The following SRCIN1 variants were observed in gnomAD, a reference collection of about 807,000 sequenced individuals.
SRCIN1 encodes the protein P130Cas-associated protein.
SRCIN1 carries 50 observed loss-of-function variants against 116.2 expected under a neutral mutation model. That is an observed-to-expected ratio of 0.43 (90% CI 0.34 to 0.54). SRCIN1 has a LOEUF of 0.54. SRCIN1 is among the 20% of genes least tolerant of loss of function. The pLI is 0.02. For missense variants in SRCIN1, 1,446 were observed against 1,672.0 expected, an observed-to-expected ratio of 0.86 and a Z score of 2.36; for synonymous variants, 736 against 750.0, an observed-to-expected ratio of 0.98 and a Z score of 0.30.
intron 18 of SRCIN1, among the ~76,000 whole-genome samples, chr17:38,535,054 C>G (rs1179232096): frequency 6.6e-6 from 1 of 152,130 alleles, no homozygotes; most frequent in Non-Finnish European, 1.5e-5. Flanking sequence ...ATGGCCTGAG[C>G]TCAGGAGGTG....
In SRCIN1 at chr17:38,552,344, G is replaced by A. The variant is rs1017207995; in HGVS notation, c.2480+103C>T. 1.4e-5 allele frequency: 21 copies of A among 1,470,808 alleles called. No individual in the cohort carries two copies. Among genetic ancestry groups the A allele is most frequent in the Middle Eastern group, 4.9e-4 (2 of 4,084 alleles). 91.1% of individuals were successfully genotyped at this position (1,470,808 alleles called of 1,614,324 possible). ...GCTGAGGTGCCAGTCCAGTCGGCAC[G>A]CCAGTGACCTTTGGGGGAGTTGGGG... On this transcript the variant is annotated intron_variant, in intron 13 of 18. Coordinates refer to ENST00000617146, the MANE Select transcript of SRCIN1 (RefSeq NM_025248.3). This position sits in a 1 kb window ranked among gnomAD's most constrained non-coding sequence, Gnocchi z 5.3.
At position 38,563,456 on chromosome 17, in the gene SRCIN1, G is replaced by A; in HGVS notation, c.607C>T (p.Leu203=). 1 of 1,558,970 alleles carries A rather than the reference G, an allele frequency of 6.4e-7. No individual in the cohort carries two copies. Among genetic ancestry groups the A allele is most frequent in the Non-Finnish European group, 8.7e-7 (1 of 1,150,898 alleles). The change falls in exon 5 of 19, where the codon CTG becomes TTG. Residue 203 remains leucine, a synonymous_variant. Coordinates refer to ENST00000617146, the MANE Select transcript of SRCIN1 (RefSeq NM_025248.3). The surrounding 1 kb of genome is among the most constrained non-coding windows in gnomAD (Gnocchi z 5.8). ...GCGATGAGTGCGTGCAGCGTGTCCA[G>A]GCTGCTGACCTCGTGCGTGATGTGC... ...RVHITHEVSS[L]DTLHALIAHM... is the part of the protein sequence containing the mutation.
At position 38,551,877 on chromosome 17, in the gene SRCIN1, C is replaced by A. The variant is rs770221700; in HGVS notation, c.2727+9G>T. ...TCATGGCCCCACCCACAATCCCTGG[C>A]CCCAGCACCTCAACAGACACAGCTT... On this transcript the variant is annotated intron_variant, in intron 14 of 18. Coordinates refer to ENST00000617146, the MANE Select transcript of SRCIN1 (RefSeq NM_025248.3). The A allele has an allele frequency of 2.6e-5, 42 of 1,613,438 alleles. No homozygotes were observed. Among genetic ancestry groups the A allele is most frequent in the Non-Finnish European group, 2.7e-5 (32 of 1,179,906 alleles).
In SRCIN1 at chr17:38,572,343, A is replaced by G. The variant is rs1189605038; in HGVS notation, c.325-4112T>C. 1.7e-5 allele frequency among the ~76,000 whole-genome samples: 1 copy of G among 59,762 alleles called. No individual in the cohort carries two copies. Among genetic ancestry groups the G allele is most frequent in the Non-Finnish European group, 3.1e-5 (1 of 32,012 alleles). 39.2% of individuals were successfully genotyped at this position (59,762 alleles called of 152,430 possible). The stretch of plus-strand genomic sequence containing the variant: ...GGATGACACCCTCATCTCCTTCCCA[A>G]TGCAGAGTGTGTGTGTGGGTGGGTG... On this transcript the variant is annotated intron_variant, in intron 2 of 18. Transcript: ENST00000617146. This position sits in a 1 kb window ranked among gnomAD's most constrained non-coding sequence, Gnocchi z 4.3.
In SRCIN1 at chr17:38,563,702, G is replaced by T. The variant is rs771121623; in HGVS notation, c.542-181C>A. The T allele has an allele frequency of 8.0e-6, 7 of 871,378 alleles. No homozygotes were observed. The South Asian group carries it at 1.0e-4, about 12-fold the overall frequency. 54.0% of individuals were successfully genotyped at this position (871,378 alleles called of 1,614,324 possible). On this transcript the variant is annotated intron_variant, in intron 4 of 18. Transcript: ENST00000617146. The surrounding 1 kb of genome is among the most constrained non-coding windows in gnomAD (Gnocchi z 5.8). ...ATGCTGCCGGCGGGGGCGCCAGGCC[G>T]GCTCTCCAGCCTCTCAAGGCACCCA...
intron 1 of SRCIN1, among the ~76,000 whole-genome samples, chr17:38,603,212 GGAGA>G (rs1381338424): frequency 6.6e-6 from 1 of 151,864 alleles, no homozygotes; most frequent in African/African-American, 2.4e-5. Context: ...GGGGAGAGGG[GGAGA>G]GAGAGAGAAA....
chr17:38,533,813 G>A (rs1250176008), intron 18 of SRCIN1, among the ~76,000 whole-genome samples: 1 of 149,068 alleles, frequency 6.7e-6, no homozygotes, highest in African/African-American at 2.5e-5. Flanking sequence ...TGGGACAGGG[G>A]CACAAGCCCT....
intron 3 of SRCIN1, among the ~76,000 whole-genome samples, chr17:38,566,635 T>G (rs1906701723): frequency 6.6e-6 from 1 of 152,184 alleles, no homozygotes; most frequent in African/African-American, 2.4e-5. Context: ...CTTTTAAAAA[T>G]ACCTTTCCAG....
chr17:38,549,305 C>T (rs1905252163), intron 15 of SRCIN1, 95 bp from the exon 16 acceptor site: 1 of 1,239,016 alleles, frequency 8.1e-7, no homozygotes, highest in Non-Finnish European at 1.1e-6. Context: ...GCTTCTTCCT[C>T]CAGGGAGGAC....
At position 38,561,917 on chromosome 17, in the gene SRCIN1, C is replaced by G; in HGVS notation, c.1246G>C (p.Asp416His). Residue 416 changes from aspartate (D) to histidine (H), a missense_variant, in exon 7 of 19, where the codon GAC becomes CAC. Physicochemically the swap from Asp to His is moderately conservative, Grantham distance 81. Coordinates refer to ENST00000617146, the MANE Select transcript of SRCIN1 (RefSeq NM_025248.3). Reference protein sequence around the residue: ...GRLSLAAAAGDPFAYPGAGGL... With the variant: ...GRLSLAAAAGHPFAYPGAGGL... The stretch of plus-strand genomic sequence containing the variant: ...CCGGCGCCCGGGTAGGCGAACGGGT[C>G]GCCGGCGGCCGCGGCCAGGCTCAGA... 1.4e-6 allele frequency: 2 copies of G among 1,445,624 alleles called. No individual in the cohort carries two copies. Among genetic ancestry groups the G allele is most frequent in the Non-Finnish European group, 1.8e-6 (2 of 1,113,974 alleles). The allele number at this position is 1,445,624 out of a possible 1,614,324, so 89.5% of individuals were successfully genotyped here. A position where few individuals can be genotyped will look rare whatever the true frequency, so the allele number is the denominator to read the frequency against.
rs1906876262 is a variant in SRCIN1, at chr17:38,568,684, C to A, written c.325-453G>T. Among the ~76,000 whole-genome samples, 1 of 152,024 alleles carries A rather than the reference C, an allele frequency of 6.6e-6. No homozygotes were observed. The highest frequency in any genetic ancestry group is 1.5e-5 in the Non-Finnish European group (1 of 68,030). Reference sequence around the variant, plus strand: ...CAGAGGGGAAGTGCCCAGGGGCAGACAAGTGGAGGGGGGTTGAGGCAAGTC... The same window carrying A: ...CAGAGGGGAAGTGCCCAGGGGCAGAAAAGTGGAGGGGGGTTGAGGCAAGTC... On this transcript the variant is annotated intron_variant, in intron 2 of 18. Coordinates refer to ENST00000617146, the MANE Select transcript of SRCIN1 (RefSeq NM_025248.3). The surrounding 1 kb of genome is among the most constrained non-coding windows in gnomAD (Gnocchi z 4.5).
In SRCIN1 at chr17:38,561,926, C is replaced by T; in HGVS notation, c.1237G>A (p.Ala413Thr). Residue 413 changes from alanine (A) to threonine (T), a missense_variant, in exon 7 of 19, where the codon GCC (alanine) becomes ACC (threonine). Coordinates refer to ENST00000617146, the MANE Select transcript of SRCIN1 (RefSeq NM_025248.3). ...LHEGRLSLAA[A>T]AGDPFAYPGA... Reference sequence around the variant, plus strand: ...GGGTAGGCGAACGGGTCGCCGGCGGCCGCGGCCAGGCTCAGACGGCCCTCG... The same window carrying T: ...GGGTAGGCGAACGGGTCGCCGGCGGTCGCGGCCAGGCTCAGACGGCCCTCG... 2 of 1,450,098 alleles carry T rather than the reference C, an allele frequency of 1.4e-6. No homozygotes were observed. The highest frequency in any genetic ancestry group is 3.1e-5 in the Admixed American group (1 of 32,034). 89.8% of individuals were successfully genotyped at this position (1,450,098 alleles called of 1,614,324 possible).
At position 38,562,021 on chromosome 17, in the gene SRCIN1, G is replaced by A. The variant is rs1275892916; in HGVS notation, c.1142C>T (p.Ala381Val). The A allele has an allele frequency of 6.7e-7, 1 of 1,492,652 alleles. No homozygotes were observed. The highest frequency in any genetic ancestry group is 2.2e-5 in the Admixed American group (1 of 45,154). 92.5% of individuals were successfully genotyped at this position (1,492,652 alleles called of 1,614,324 possible). Reference sequence around the variant, plus strand: ...CAGCACCATGCCGCCCGCCTTGCTCGCCAGGTCCTCGTCCGGCTTCACGTC... The same window carrying A: ...CAGCACCATGCCGCCCGCCTTGCTCACCAGGTCCTCGTCCGGCTTCACGTC... Reference protein sequence around the residue: ...RRDVKPDEDLASKAGGMVLVK... With the variant: ...RRDVKPDEDLVSKAGGMVLVK... The change falls in exon 7 of 19, where the codon GCG (alanine) becomes GTG (valine). Residue 381 changes from alanine (A) to valine (V), a missense_variant. Physicochemically the swap from Ala to Val is moderately conservative, Grantham distance 64. Around this residue, in one of 5 missense-constraint regions of SRCIN1, gnomAD observed 239 missense variants for 317.7 expected, o/e 0.75. Transcript: ENST00000617146. The surrounding 1 kb of genome is among the most constrained non-coding windows in gnomAD (Gnocchi z 4.2).
chr17:38,540,500 C>A (rs941540617), intron 18 of SRCIN1, among the ~76,000 whole-genome samples: 122 of 148,214 alleles, frequency 8.2e-4, no homozygotes, highest in African/African-American at 2.9e-3. Flanking sequence ...AGGCTGGATA[C>A]TTCTGTCCCC....
chr17:38,561,535 A>G lies in SRCIN1; in HGVS notation c.1628T>C (p.Leu543Pro). The G allele has an allele frequency of 1.2e-6, 2 of 1,600,152 alleles. No individual in the cohort carries two copies. Among genetic ancestry groups the G allele is most frequent in the South Asian group, 2.2e-5 (2 of 90,512 alleles). ...ASTAGAPPSE[L>P]FPGPGERSLV... ...CGAGCGTTCCCCAGGCCCAGGGAAG[A>G]GCTCCGAAGGGGGAGCTCCGGCCGT... Residue 543 changes from leucine to proline, a missense_variant, in exon 7 of 19, where the codon CTC becomes CCC. Leu to Pro is a moderately conservative substitution (Grantham distance 98). Transcript: ENST00000617146.
At position 38,563,847 on chromosome 17, in the gene SRCIN1, G is replaced by T; in HGVS notation, c.541+271C>A. The T allele has an allele frequency of 1.6e-6, 1 of 615,064 alleles. No individual in the cohort carries two copies. The highest frequency in any genetic ancestry group is 2.9e-6 in the Non-Finnish European group (1 of 347,396). The allele number at this position is 615,064 out of a possible 1,614,324, so 38.1% of individuals were successfully genotyped here. A position where few individuals can be genotyped will look rare whatever the true frequency, so the allele number is the denominator to read the frequency against. On this transcript the variant is annotated intron_variant, in intron 4 of 18. Coordinates refer to ENST00000617146, the MANE Select transcript of SRCIN1 (RefSeq NM_025248.3). This position sits in a 1 kb window ranked among gnomAD's most constrained non-coding sequence, Gnocchi z 5.8. ...AGAGAGGTTGGAGAGAGTTAGAGAA[G>T]GGAGATGGGAGAGAAGGGAGGGATG...
At chr17:38,548,832 G>T in intron 16 of SRCIN1, 123 bp from the exon 17 acceptor site, 1 of 1,368,612 alleles carries the variant, frequency 7.3e-7, no homozygotes, top group Non-Finnish European at 9.6e-7. Flanking sequence ...CTACACCCCT[G>T]CCAGGGTGTC....
At position 38,598,226 on chromosome 17, in the gene SRCIN1, C is replaced by T. The variant is rs537052945; in HGVS notation, c.22+7458G>A. Among the ~76,000 whole-genome samples the T allele has an allele frequency of 2.0e-5, 3 of 152,202 alleles. No homozygotes were observed. In the East Asian group the frequency reaches 5.8e-4, roughly 29 times the overall value. On this transcript the variant is annotated intron_variant, in intron 1 of 18. Transcript: ENST00000617146. Reference sequence around the variant, plus strand: ...GGGGGACTCATCAGGCCAGCCTGGTCACTGGGTGGGGTGGAATAGGCAGCA... The same window carrying T: ...GGGGGACTCATCAGGCCAGCCTGGTTACTGGGTGGGGTGGAATAGGCAGCA...
At chr17:38,601,781 C>T (rs1909047232) in intron 1 of SRCIN1, among the ~76,000 whole-genome samples, 1 of 152,126 alleles carries the variant, frequency 6.6e-6, no homozygotes. Context: ...GGCCACTTCC[C>T]CGCCCCCAGC....
Sources: gnomAD v4.1 joint callset for allele counts (sites outside exome capture counted in the v4.1 genomes callset) on GRCh38, gnomAD v4.1.1 for gene constraint, gnomAD v4.1.1 regional missense constraint, Gnocchi (gnomAD v3.1) non-coding constraint, MANE v1.5 for transcripts, NCBI Gene and HGNC (gene_info 2026-07-23, HGNC 2026-07-21) for gene names.